TRIP12: variants seen among roughly 807,000 people sequenced by gnomAD.
TRIP12 encodes thyroid hormone receptor interactor 12.
In TRIP12, 25 loss-of-function variants were observed where a neutral mutation model predicts 244.2. The ratio of observed to expected loss-of-function variants is 0.10; its 90% confidence interval spans 0.07 to 0.14. The LOEUF (loss-of-function observed/expected upper bound fraction) is 0.14, where lower values mean the gene tolerates loss of function less well. Ranked by LOEUF, TRIP12 falls within the 10% of genes least tolerant of loss-of-function variation. The pLI, the probability that TRIP12 is intolerant of heterozygous loss-of-function variation, is 1.00. For missense variants in TRIP12, 1,677 were observed against 2,486.4 expected, an observed-to-expected ratio of 0.67 and a Z score of 6.92; for synonymous variants, 905 against 873.1, an observed-to-expected ratio of 1.04 and a Z score of -0.64.
At chr2:229,836,582 G>A (rs2054881860) in intron 6 of TRIP12, among the ~76,000 whole-genome samples, 1 of 152,018 alleles carries the variant, frequency 6.6e-6, no homozygotes, top group African/African-American at 2.4e-5. Flanking sequence ...CAATCAATGG[G>A]CAATTATACA....
At chr2:229,772,039 G>A (rs749367916) in intron 38 of TRIP12, among the ~76,000 whole-genome samples, 9 of 152,302 alleles carry the variant, frequency 5.9e-5, no homozygotes, top group African/African-American at 1.9e-4. Flanking sequence ...AATTTTTAAC[G>A]TAAAATGTTT....
rs2035322047 is a variant in TRIP12, at chr2:229,773,739, C to CG, written c.5694+357dup. On this transcript the variant is annotated intron_variant, in intron 38 of 41. Coordinates refer to ENST00000675903, the MANE Select transcript of TRIP12 (RefSeq NM_001348323.3). ...ACCAAACATAAAAGTGTGCACTGCA[C>CG]GGTGCCTGGAGTAAATTCTGTCAAG... 2.1e-5 allele frequency: 4 copies of CG among 187,272 alleles called. No individual in the cohort carries two copies. The Admixed American group carries it at 2.2e-4, about 10-fold the overall frequency. The allele number at this position is 187,272 out of a possible 1,614,324, so 11.6% of individuals were successfully genotyped here.
chr2:229,870,124 G>A (rs1455162850), intron 2 of TRIP12, among the ~76,000 whole-genome samples: 2 of 152,184 alleles, frequency 1.3e-5, no homozygotes, highest in Non-Finnish European at 2.9e-5. Flanking sequence ...TATTAGAACA[G>A]AGTAACTACC....
intron 34 of TRIP12, among the ~76,000 whole-genome samples, chr2:229,783,936 C>A (rs1392883767): frequency 6.6e-6 from 1 of 151,182 alleles, no homozygotes; most frequent in Non-Finnish European, 1.5e-5. Context: ...CATGCAGAAA[C>A]CCTGTCTCTA....
At chr2:229,789,576 C>T in intron 31 of TRIP12, 35 bp downstream of exon 31, 2 of 1,599,452 alleles carry the variant, frequency 1.3e-6, no homozygotes, top group African/African-American at 2.7e-5. Flanking sequence ...CAATCACAGA[C>T]CATGAAAACT....
intron 1 of TRIP12, among the ~76,000 whole-genome samples, chr2:229,908,557 C>G (rs2073489850): frequency 6.6e-6 from 1 of 151,470 alleles, no homozygotes; most frequent in African/African-American, 2.4e-5. Context: ...ATGGTGAAAC[C>G]CCGTCTCTAT....
intron 1 of TRIP12, among the ~76,000 whole-genome samples, chr2:229,883,670 G>C (rs900507344): frequency 4.6e-5 from 7 of 152,106 alleles, no homozygotes; most frequent in African/African-American, 1.4e-4. Context: ...AAATAAAATA[G>C]AGAACATGTA....
chr2:229,830,656 T>C, intron 7 of TRIP12, 100 bp downstream of exon 7: 1 of 1,263,782 alleles, frequency 7.9e-7, no homozygotes, highest in Non-Finnish European at 1.1e-6. Context: ...CACTGCTAGA[T>C]TATGGTCAAA....
chr2:229,821,399 T>C (rs1298221699), intron 8 of TRIP12, among the ~76,000 whole-genome samples: 1 of 152,174 alleles, frequency 6.6e-6, no homozygotes, highest in Non-Finnish European at 1.5e-5. Context: ...TTATCACAGA[T>C]CAGGGTTTGG....
rs1206995362 is a variant in TRIP12, at chr2:229,778,855, T to C, written c.5209+21A>G. ...CCTGATCTGAGTAACACAAACCAAC[T>C]AACTTACAGATAGGCATTACCTTTT... On this transcript the variant is annotated intron_variant, in intron 35 of 41. Transcript: ENST00000675903. This position sits in a 1 kb window ranked among gnomAD's most constrained non-coding sequence, Gnocchi z 4.1. 1 of 1,605,424 alleles carries C rather than the reference T, an allele frequency of 6.2e-7. No homozygotes were observed. Among genetic ancestry groups the C allele is most frequent in the Non-Finnish European group, 8.5e-7 (1 of 1,172,290 alleles).
Position 229,788,303 on chromosome 2 carries a change from C to T in TRIP12, c.4838+495G>A, listed in dbSNP as rs374900605. On this transcript the variant is annotated intron_variant, in intron 32 of 41. Coordinates refer to ENST00000675903, the MANE Select transcript of TRIP12 (RefSeq NM_001348323.3). Reference sequence around the variant, plus strand: ...AAAGCTCATTTTTAAAATATGACCACCACCTTCATGAGGCACTTGAATCAT... The same window carrying T: ...AAAGCTCATTTTTAAAATATGACCATCACCTTCATGAGGCACTTGAATCAT... 8.5e-5 allele frequency among the ~76,000 whole-genome samples: 13 copies of T among 152,142 alleles called. 1 individual carries two copies. The highest frequency in any genetic ancestry group is 2.6e-4 in the Admixed American group (4 of 15,272).
chr2:229,798,161 C>G (rs1367271402), intron 23 of TRIP12, among the ~76,000 whole-genome samples: 1 of 152,170 alleles, frequency 6.6e-6, no homozygotes, highest in African/African-American at 2.4e-5. Flanking sequence ...TTATCCTTAA[C>G]TTGTGTTTCC....
rs113115661 is a variant in TRIP12 at position 229,878,257 on chromosome 2, C to T, written c.98+1725G>A. Among the ~76,000 whole-genome samples the T allele has an allele frequency of 5.3e-3, 804 of 152,072 alleles. 9 individuals are homozygous for T. The highest frequency in any genetic ancestry group is 0.019 in the African/African-American group (778 of 41,488). The stretch of plus-strand genomic sequence containing the variant: ...TTGAGGTCAGGAGTTTGAGATCAGC[C>T]TGACCAACATGGTGAAACACCATCT... On this transcript the variant is annotated intron_variant, in intron 2 of 41. Transcript: ENST00000675903.
chr2:229,915,759 T>C (rs2075268063), intron 1 of TRIP12, among the ~76,000 whole-genome samples: 1 of 152,112 alleles, frequency 6.6e-6, no homozygotes, highest in South Asian at 2.1e-4. Flanking sequence ...AGTGGCACAA[T>C]TACAGCTCAG....
intron 2 of TRIP12, among the ~76,000 whole-genome samples, chr2:229,875,443 G>A (rs2063412129): frequency 6.6e-6 from 1 of 152,184 alleles, no homozygotes; most frequent in African/African-American, 2.4e-5. Context: ...GGAGAGAAAA[G>A]TGCTACTTAA....
intron 1 of TRIP12, among the ~76,000 whole-genome samples, chr2:229,889,988 A>G (rs928014879): frequency 3.9e-5 from 6 of 152,176 alleles, no homozygotes; most frequent in African/African-American, 1.2e-4. Context: ...GACACACATA[A>G]TAAGGCAATA....
intron 8 of TRIP12, among the ~76,000 whole-genome samples, chr2:229,820,663 A>T (rs2049816868): frequency 6.6e-6 from 1 of 152,220 alleles, no homozygotes; most frequent in African/African-American, 2.4e-5. Flanking sequence ...GTCTCAGCTC[A>T]CTGCAACCTC....
At chr2:229,786,869 T>C (rs942597225) in intron 33 of TRIP12, among the ~76,000 whole-genome samples, 1 of 152,138 alleles carries the variant, frequency 6.6e-6, no homozygotes, top group Non-Finnish European at 1.5e-5. Flanking sequence ...GAAAAGAAAC[T>C]TAAATCCCTA....
Position 229,860,516 on chromosome 2 carries a change from C to T in TRIP12, c.114G>A (p.Gln38=). 1 of 1,608,134 alleles carries T rather than the reference C, an allele frequency of 6.2e-7. No individual in the cohort carries two copies. The highest frequency in any genetic ancestry group is 1.1e-5 in the South Asian group (1 of 90,250). The stretch of plus-strand genomic sequence containing the variant: ...GAGGGCTATATCCCTTATGTTTTGC[C>T]TGCCCTAAATGTGACCTGTCAGCAG... ...DSIGGRSHLG[Q]AKHKGYSPPE... The change falls in exon 3 of 42, where the codon CAG becomes CAA. Residue 38 remains glutamine, a synonymous_variant. Transcript: ENST00000675903.
Sources: allele counts gnomAD v4.1 joint callset (sites outside exome capture counted in the v4.1 genomes callset), GRCh38; gene constraint gnomAD v4.1.1; non-coding constraint Gnocchi (gnomAD v3.1); transcripts MANE v1.5; gene names NCBI Gene and HGNC (gene_info 2026-07-23, HGNC 2026-07-21).